Variants in KIAA1217 observed in about 807,000 individuals in gnomAD.
The protein encoded by KIAA1217 is KIAA1217.
A neutral mutation model predicts 163.9 loss-of-function variants in KIAA1217; 88 were observed. The observed-to-expected ratio is 0.54, with a 90% CI of 0.45 to 0.64. KIAA1217 has a LOEUF of 0.64. KIAA1217 is among the 30% of genes least tolerant of loss of function. The pLI is 0.00. For synonymous variants in KIAA1217, 903 were observed against 923.1 expected, an observed-to-expected ratio of 0.98 and a Z score of 0.39; for missense variants, 2,372 against 2,475.0, an observed-to-expected ratio of 0.96 and a Z score of 0.88.
intron 4 of KIAA1217, among the ~76,000 whole-genome samples, chr10:24,437,959 A>G (rs2131966248): frequency 6.7e-6 from 1 of 150,072 alleles, no homozygotes; most frequent in South Asian, 2.1e-4. Flanking sequence ...ATGTACATTC[A>G]TTAGATAAGC....
At chr10:23,716,690 A>G (rs1334535997) in intron 1 of KIAA1217, among the ~76,000 whole-genome samples, 1 of 152,150 alleles carries the variant, frequency 6.6e-6, no homozygotes, top group African/African-American at 2.4e-5. Context: ...AAGCTGGTCC[A>G]CCTTACTAGG....
chr10:23,713,732 T>G (rs963541559), intron 1 of KIAA1217, among the ~76,000 whole-genome samples: 5 of 152,122 alleles, frequency 3.3e-5, no homozygotes, highest in African/African-American at 1.2e-4. Context: ...TGACTTTAAT[T>G]TTTGCCAAAA....
intron 1 of KIAA1217, among the ~76,000 whole-genome samples, chr10:23,954,757 G>A (rs765523448): frequency 2.0e-5 from 3 of 152,166 alleles, no homozygotes; most frequent in Admixed American, 6.5e-5. Context: ...AACTTGCAAG[G>A]TGAGTTTTAT....
intron 1 of KIAA1217, among the ~76,000 whole-genome samples, chr10:23,858,766 C>G (rs1013945715): frequency 3.3e-5 from 5 of 152,246 alleles, no homozygotes; most frequent in Admixed American, 2.6e-4. Context: ...TCTGCTGGTT[C>G]TCTGGGCGTG....
chr10:24,409,913 A>AT (rs147278908), intron 3 of KIAA1217, among the ~76,000 whole-genome samples: 7,149 of 152,054 alleles, frequency 0.047, 223 homozygotes, highest in South Asian at 0.11. Context: ...GTTGCTGCAA[A>AT]TGCCATTAAT....
chr10:23,780,045 TTAA>T (rs1344622474), intron 1 of KIAA1217, among the ~76,000 whole-genome samples: 1 of 152,204 alleles, frequency 6.6e-6, no homozygotes, highest in Admixed American at 6.5e-5. Context: ...ACAAAGTCAC[TTAA>T]TGATGCATTT....
Position 23,849,241 on chromosome 10 carries a change from A to G in KIAA1217, c.-321+154007A>G, listed in dbSNP as rs888083564. Reference sequence around the variant, plus strand: ...ATATATAAATCTCCAATCTAAATCCAGGGACTAATGTTGGAAATGTGCTAG... The same window carrying G: ...ATATATAAATCTCCAATCTAAATCCGGGGACTAATGTTGGAAATGTGCTAG... On this transcript the variant is annotated intron_variant, in intron 1 of 18. Coordinates refer to the KIAA1217 transcript ENST00000376462. Among the ~76,000 whole-genome samples, 11 of 152,132 alleles carry G rather than the reference A, an allele frequency of 7.2e-5. 1 individual carries two copies. The highest frequency in any genetic ancestry group is 7.2e-4 in the Admixed American group (11 of 15,236).
At chr10:24,263,091 T>C (rs1479760748) in intron 2 of KIAA1217, among the ~76,000 whole-genome samples, 1 of 152,230 alleles carries the variant, frequency 6.6e-6, no homozygotes, top group Non-Finnish European at 1.5e-5. Context: ...TCTCTGAGGT[T>C]GTTCATTCCA....
chr10:24,142,753 G>A (rs2064141924), intron 2 of KIAA1217, among the ~76,000 whole-genome samples: 1 of 152,166 alleles, frequency 6.6e-6, no homozygotes, highest in African/African-American at 2.4e-5. Context: ...GGCCTCCCTT[G>A]GAGTCATGTG....
chr10:23,777,537 A>G (rs1835058050), intron 1 of KIAA1217, among the ~76,000 whole-genome samples: 1 of 152,232 alleles, frequency 6.6e-6, no homozygotes, highest in Admixed American at 6.5e-5. Context: ...AATCAAAGAA[A>G]CAAAGGTTAG....
intron 2 of KIAA1217, among the ~76,000 whole-genome samples, chr10:24,256,453 G>A (rs2075168776): frequency 6.6e-6 from 1 of 152,188 alleles, no homozygotes; most frequent in African/African-American, 2.4e-5. Flanking sequence ...TGGAGTAAGT[G>A]CAGGTGATAA....
chr10:24,464,751 C>G (rs2062770112), intron 5 of KIAA1217, among the ~76,000 whole-genome samples: 1 of 152,172 alleles, frequency 6.6e-6, no homozygotes, highest in South Asian at 2.1e-4. Flanking sequence ...TCCCAAAGTG[C>G]TAGGATTACA....
At chr10:23,919,408 C>A (rs1270987596) in intron 1 of KIAA1217, among the ~76,000 whole-genome samples, 1 of 151,876 alleles carries the variant, frequency 6.6e-6, no homozygotes, top group Admixed American at 6.6e-5. Flanking sequence ...GAGTTCAAGA[C>A]CAGCCTGGGC....
At chr10:24,192,073 A>G (rs1488234528) in intron 2 of KIAA1217, among the ~76,000 whole-genome samples, 3 of 152,216 alleles carry the variant, frequency 2.0e-5, no homozygotes, top group African/African-American at 7.2e-5. Context: ...GTTTGGGTTG[A>G]CACAAGAGCT....
At chr10:24,288,113 C>A (rs57995046) in intron 2 of KIAA1217, among the ~76,000 whole-genome samples, 3,444 of 152,214 alleles carry the variant, frequency 0.023, 134 homozygotes, top group African/African-American at 0.079. Flanking sequence ...ATAGTAGACA[C>A]CCTACTCAGA....
intron 2 of KIAA1217, among the ~76,000 whole-genome samples, chr10:24,127,377 CAG>C (rs1048338586): frequency 5.3e-5 from 8 of 152,024 alleles, no homozygotes; most frequent in South Asian, 2.1e-4. Flanking sequence ...TGCAGAGAAA[CAG>C]AGTATTTTCT....
intron 2 of KIAA1217, among the ~76,000 whole-genome samples, chr10:24,019,707 G>T (rs1350492096): frequency 1.3e-5 from 2 of 151,912 alleles, no homozygotes; most frequent in African/African-American, 4.8e-5. Context: ...TTTCTACAAT[G>T]GCAGCACACT....
chr10:24,533,973 C>A (rs1398777796), intron 16 of KIAA1217, among the ~76,000 whole-genome samples: 4 of 152,182 alleles, frequency 2.6e-5, no homozygotes, highest in African/African-American at 9.7e-5. Flanking sequence ...ATTCCTAGAA[C>A]AAACTTTGTG....
intron 10 of KIAA1217, among the ~76,000 whole-genome samples, chr10:24,519,856 C>G (rs2134484479): frequency 6.6e-6 from 1 of 152,252 alleles, no homozygotes; most frequent in East Asian, 1.9e-4. Context: ...AAGACTCGGT[C>G]CTCTGTTAGC....
Sources: gnomAD v4.1 joint callset for allele counts (sites outside exome capture counted in the v4.1 genomes callset) on GRCh38, gnomAD v4.1.1 for gene constraint, MANE v1.5 for transcripts, NCBI Gene and HGNC (gene_info 2026-07-23, HGNC 2026-07-21) for gene names.